The following MDN1 variants were observed in gnomAD, a reference collection of about 807,000 sequenced individuals.
MDN1 encodes midasin AAA ATPase 1, also known as midasin.
MDN1 carries 266 observed loss-of-function variants against 669.2 expected under a neutral mutation model. That is an observed-to-expected ratio of 0.40 (90% CI 0.36 to 0.44). The LOEUF is 0.44. Ranked by LOEUF, MDN1 falls within the 20% of genes least tolerant of loss-of-function variation. MDN1 has a pLI of 1.00. For synonymous variants in MDN1, 2,385 were observed against 2,457.1 expected (o/e 0.97, Z 0.87); for missense variants, 5,940 against 6,754.0 (o/e 0.88, Z 4.22).
intron 13 of MDN1, 83 bp from the exon 14 acceptor site, chr6:89,772,804 C>A: frequency 6.8e-7 from 1 of 1,460,376 alleles, no homozygotes. Context: ...ATTCCAGATT[C>A]AACAACAAGG....
At chr6:89,797,682 C>T (rs1819680796) in intron 2 of MDN1, 2 of 476,110 alleles carry the variant, frequency 4.2e-6, no homozygotes, top group South Asian at 3.2e-5. Context: ...TCAAAGTCTA[C>T]CAAAATCTGC....
chr6:89,692,730 T>A lies in MDN1; in HGVS notation c.10300A>T (p.Thr3434Ser), dbSNP rs766215363. 1 of 1,613,942 alleles carries A rather than the reference T, an allele frequency of 6.2e-7. No homozygotes were observed. Among genetic ancestry groups the A allele is most frequent in the African/African-American group, 1.3e-5 (1 of 75,010 alleles). ...AAAGCCAGCAAGGCTGTGGCCAGGG[T>A]CCCCAGCCTGTCTGCACCAACCATA... ...SSMVGADRLG[T>S]LATALLAFPS... The change falls in exon 63 of 102, where the codon ACC becomes TCC. Residue 3434 changes from threonine to serine, a missense_variant. Around this residue, in one of 5 missense-constraint regions of MDN1, gnomAD observed 150 missense variants for 234.2 expected, o/e 0.64. Transcript: ENST00000369393.
intron 32 of MDN1, among the ~76,000 whole-genome samples, chr6:89,739,891 A>C (rs966901772): frequency 6.6e-6 from 1 of 152,194 alleles, no homozygotes; most frequent in African/African-American, 2.4e-5. Context: ...GTTAAACTTA[A>C]ATTTCAGATC....
intron 77 of MDN1, 101 bp downstream of exon 77, chr6:89,676,001 C>T (rs1373493429): frequency 5.8e-5 from 59 of 1,015,418 alleles, no homozygotes; most frequent in Non-Finnish European, 1.6e-5. Context: ...GTTCCACTAA[C>T]AGGCTGTTAT....
intron 39 of MDN1, 64 bp from the exon 40 acceptor site, chr6:89,723,207 C>A: frequency 6.8e-7 from 1 of 1,465,030 alleles, no homozygotes; most frequent in Non-Finnish European, 9.4e-7. Flanking sequence ...GCATTAAGTA[C>A]TAGGAATGTA....
intron 64 of MDN1, among the ~76,000 whole-genome samples, chr6:89,690,363 A>C (rs1265559412): frequency 1.3e-5 from 2 of 151,598 alleles, no homozygotes; most frequent in African/African-American, 4.8e-5. Flanking sequence ...ACTTGAGGTC[A>C]GGAGTTTGAG....
At chr6:89,718,262 A>G in intron 43 of MDN1, 104 bp downstream of exon 43, 1 of 1,260,816 alleles carries the variant, frequency 7.9e-7, no homozygotes, top group South Asian at 1.5e-5. Context: ...TCTGATTGTT[A>G]ATAATTACTA....
At position 89,714,101 on chromosome 6, in the gene MDN1, G is replaced by C. The variant is rs905686188; in HGVS notation, c.7069+442C>G. 5.3e-5 allele frequency among the ~76,000 whole-genome samples: 8 copies of C among 151,712 alleles called. No individual in the cohort carries two copies. In the East Asian group the frequency reaches 9.7e-4, roughly 18 times the overall value. On this transcript the variant is annotated intron_variant, in intron 46 of 101. Transcript: ENST00000369393. ...TCTGCATGGTACCTAACACAGAGTA[G>C]TTATCCAACAAGCAATACTTCATTT...
intron 64 of MDN1, 79 bp downstream of exon 64, chr6:89,690,594 A>G: frequency 6.6e-7 from 1 of 1,522,606 alleles, no homozygotes; most frequent in Non-Finnish European, 9.0e-7. Context: ...ATAAAGAGGA[A>G]GAGAGAAAGC....
chr6:89,662,297 C>T (rs1452028385), intron 86 of MDN1, 58 bp from the exon 87 acceptor site: 1 of 1,546,484 alleles, frequency 6.5e-7, no homozygotes, highest in African/African-American at 1.4e-5. Context: ...ACTGCTTCTG[C>T]ATGGGTTGAC....
At chr6:89,745,173 A>G (rs1438107477) in intron 29 of MDN1, 100 bp downstream of exon 29, 1 of 1,267,412 alleles carries the variant, frequency 7.9e-7, no homozygotes, top group African/African-American at 1.5e-5. Context: ...GAAGGAGGAA[A>G]GAAGGGGGGA....
chr6:89,814,318 T>A (rs1168133580), intron 1 of MDN1, among the ~76,000 whole-genome samples: 2 of 150,648 alleles, frequency 1.3e-5, no homozygotes, highest in Non-Finnish European at 2.9e-5. Context: ...CTAGTAGCAA[T>A]AAGATACAAA....
At chr6:89,764,432 C>T (rs967862283) in intron 15 of MDN1, among the ~76,000 whole-genome samples, 2 of 152,184 alleles carry the variant, frequency 1.3e-5, no homozygotes, top group African/African-American at 2.4e-5. Context: ...TGGTGAAACC[C>T]TGTCTCTACA....
At chr6:89,762,620 G>T (rs1817613023) in intron 15 of MDN1, 90 bp from the exon 16 acceptor site, 1 of 885,614 alleles carries the variant, frequency 1.1e-6, no homozygotes, top group Non-Finnish European at 1.7e-6. Flanking sequence ...GTAGGTCTCA[G>T]ATTTCATTTA....
chr6:89,802,355 T>C (rs1267318912), intron 2 of MDN1, among the ~76,000 whole-genome samples: 10 of 152,230 alleles, frequency 6.6e-5, no homozygotes, highest in Admixed American at 4.6e-4. Context: ...ATTTATTGCA[T>C]TGATGAAGAC....
chr6:89,662,721 C>T, intron 86 of MDN1, 71 bp downstream of exon 86: 28 of 1,485,758 alleles, frequency 1.9e-5, no homozygotes, highest in Non-Finnish European at 2.3e-5. Flanking sequence ...AAGTAAATGA[C>T]AGAGAATGGT....
intron 29 of MDN1, among the ~76,000 whole-genome samples, chr6:89,744,525 C>G (rs1816485568): frequency 6.6e-6 from 1 of 152,064 alleles, no homozygotes; most frequent in Non-Finnish European, 1.5e-5. Flanking sequence ...GCCTCAACCT[C>G]CTGACTAGCT....
chr6:89,723,683 C>A, intron 38 of MDN1, 64 bp from the exon 39 acceptor site: 1 of 870,210 alleles, frequency 1.1e-6, no homozygotes. Flanking sequence ...CTAGAAATGA[C>A]TACCATGTCT....
In MDN1 at chr6:89,770,652, C is replaced by A. The variant is rs116242711; in HGVS notation, c.2144+909G>T. Among the ~76,000 whole-genome samples, 821 of 152,094 alleles carry A rather than the reference C, an allele frequency of 5.4e-3. 10 individuals carry two copies. Among genetic ancestry groups the A allele is most frequent in the African/African-American group, 0.019 (780 of 41,502 alleles). ...CCCTAGTAGCTGGGACTACAGCACA[C>A]CACCATGCCCAACTAATTTTCGTAT... On this transcript the variant is annotated intron_variant, in intron 15 of 101. Coordinates refer to ENST00000369393, the MANE Select transcript of MDN1 (RefSeq NM_014611.3).
Sources: gnomAD v4.1 joint callset for allele counts (sites outside exome capture counted in the v4.1 genomes callset) on GRCh38, gnomAD v4.1.1 for gene constraint, gnomAD v4.1.1 regional missense constraint, MANE v1.5 for transcripts, NCBI Gene and HGNC (gene_info 2026-07-23, HGNC 2026-07-21) for gene names.